Variants in TECPR2 observed in about 807,000 individuals in gnomAD.
TECPR2 encodes the protein tectonin beta-propeller repeat-containing protein 2.
TECPR2 carries 65 observed loss-of-function variants against 138.1 expected under a neutral mutation model. The observed-to-expected ratio is 0.47, with a 90% CI of 0.39 to 0.58. The LOEUF is 0.58. TECPR2 is among the 20% of genes least tolerant of loss of function. TECPR2 has a pLI of 0.00. For synonymous variants in TECPR2, 746 were observed against 749.8 expected, an observed-to-expected ratio of 0.99 and a Z score of 0.08; for missense variants, 1,553 against 1,824.5, an observed-to-expected ratio of 0.85 and a Z score of 2.71.
At chr14:102,432,182 T>A in intron 8 of TECPR2, 54 bp downstream of exon 8, 1 of 1,428,018 alleles carries the variant, frequency 7.0e-7, no homozygotes, top group South Asian at 1.5e-5. Context: ...TTCCAGATTC[T>A]CTGGGAGTGC....
intron 4 of TECPR2, among the ~76,000 whole-genome samples, chr14:102,409,422 C>T (rs1305730305): frequency 2.6e-5 from 4 of 151,936 alleles, no homozygotes; most frequent in Non-Finnish European, 1.5e-5. Flanking sequence ...ACCTCAGCCT[C>T]GCAAGTAGCT....
intron 2 of TECPR2, among the ~76,000 whole-genome samples, chr14:102,400,211 A>G (rs1483934850): frequency 4.6e-5 from 7 of 151,854 alleles, no homozygotes; most frequent in Non-Finnish European, 1.0e-4. Context: ...ACACCCAGCT[A>G]ATTTTTGTAT....
At chr14:102,487,615 C>T (rs921226280) in intron 17 of TECPR2, among the ~76,000 whole-genome samples, 1 of 152,188 alleles carries the variant, frequency 6.6e-6, no homozygotes, top group African/African-American at 2.4e-5. Context: ...AATCTGGGCT[C>T]ACTGCAAGCT....
At position 102,434,565 on chromosome 14, in the gene TECPR2, A is replaced by G. The variant is rs141596456; in HGVS notation, c.1748A>G (p.Asn583Ser). Reference protein sequence around the residue: ...CHHAHGRELLNGAREDVGGSD... With the variant: ...CHHAHGRELLSGAREDVGGSD... ...CATGCACATGGGCGGGAGCTGCTCA[A>G]TGGAGCGAGGGAAGATGTGGGAGGC... The change falls in exon 9 of 20, where the codon AAT becomes AGT. Residue 583 changes from asparagine to serine, a missense_variant. Coordinates refer to ENST00000359520, the MANE Select transcript of TECPR2 (RefSeq NM_014844.5). The G allele has an allele frequency of 9.6e-6, 15 of 1,556,862 alleles. No homozygotes were observed. Among genetic ancestry groups the G allele is most frequent in the East Asian group, 6.8e-5 (3 of 44,294 alleles).
intron 2 of TECPR2, among the ~76,000 whole-genome samples, chr14:102,395,492 G>A (rs1315367705): frequency 6.6e-6 from 1 of 152,202 alleles, no homozygotes; most frequent in East Asian, 1.9e-4. Flanking sequence ...GCTTATACAT[G>A]TGCTTTTTAA....
chr14:102,460,019 C>G (rs1890367217), intron 16 of TECPR2, among the ~76,000 whole-genome samples: 1 of 152,088 alleles, frequency 6.6e-6, no homozygotes, highest in Non-Finnish European at 1.5e-5. Flanking sequence ...GCTTGTAATC[C>G]TAGCACTTTG....
intron 2 of TECPR2, among the ~76,000 whole-genome samples, chr14:102,378,869 T>C (rs1887711035): frequency 6.6e-6 from 1 of 152,032 alleles, no homozygotes; most frequent in Non-Finnish European, 1.5e-5. Flanking sequence ...AGGTGATCCA[T>C]CTGCCTCAGC....
rs1382970388 is a variant in TECPR2 at position 102,498,413 on chromosome 14, G to A, written c.*156G>A. 2.4e-5 allele frequency: 24 copies of A among 1,017,474 alleles called. No individual in the cohort carries two copies. Among genetic ancestry groups the A allele is most frequent in the Non-Finnish European group, 3.2e-5 (23 of 717,848 alleles). The allele number at this position is 1,017,474 out of a possible 1,614,324, so 63.0% of individuals were successfully genotyped here. A position where few individuals can be genotyped will look rare whatever the true frequency, so the allele number is the denominator to read the frequency against. On this transcript the variant is annotated 3_prime_UTR_variant, in exon 20 of 20. Transcript: ENST00000359520. The stretch of plus-strand genomic sequence containing the variant: ...CTTACTTTCATCTATGTTGGTTTCT[G>A]TCTCGTTCCAGAACCCACAGCCTCC...
At chr14:102,491,186 G>C (rs550260989) in intron 17 of TECPR2, among the ~76,000 whole-genome samples, 1 of 152,118 alleles carries the variant, frequency 6.6e-6, no homozygotes, top group South Asian at 2.1e-4. Context: ...GAGCCACCGC[G>C]CTCAGCCCAC....
chr14:102,483,902 T>G (rs1890956915), intron 17 of TECPR2, among the ~76,000 whole-genome samples: 1 of 140,828 alleles, frequency 7.1e-6, no homozygotes, highest in Non-Finnish European at 1.5e-5. Context: ...GTTCAAGCGA[T>G]TCTCCTGCCT....
chr14:102,417,659 G>A (rs1384858736), intron 5 of TECPR2, among the ~76,000 whole-genome samples: 1 of 152,208 alleles, frequency 6.6e-6, no homozygotes, highest in African/African-American at 2.4e-5. Context: ...GAGCTTAGAT[G>A]TTCAAGAAGC....
chr14:102,459,646 TA>T (rs1890357484), intron 16 of TECPR2, among the ~76,000 whole-genome samples: 1 of 152,192 alleles, frequency 6.6e-6, no homozygotes, highest in Non-Finnish European at 1.5e-5. Context: ...GGCTTGCCTG[TA>T]GTCCCAGTTA....
chr14:102,409,171 G>T (rs1218448238), intron 4 of TECPR2, among the ~76,000 whole-genome samples: 1 of 152,206 alleles, frequency 6.6e-6, no homozygotes, highest in African/African-American at 2.4e-5. Context: ...TCCACTGCAC[G>T]TATGGCTTGA....
At chr14:102,431,377 G>C (rs1166852628) in intron 7 of TECPR2, among the ~76,000 whole-genome samples, 37 of 109,622 alleles carry the variant, frequency 3.4e-4, no homozygotes, top group Non-Finnish European at 5.7e-4. Flanking sequence ...GAGTCTCACT[G>C]TGTTGCCCAG....
intron 17 of TECPR2, among the ~76,000 whole-genome samples, chr14:102,483,858 G>A (rs1256431891): frequency 7.1e-6 from 1 of 140,282 alleles, no homozygotes; most frequent in Non-Finnish European, 1.5e-5. Context: ...GTGCAGTGGC[G>A]CAATCTGGGC....
chr14:102,501,243 C>A lies in TECPR2; in HGVS notation c.*2986C>A, dbSNP rs924859274. On this transcript the variant is annotated 3_prime_UTR_variant, in exon 20 of 20. Coordinates refer to ENST00000359520, the MANE Select transcript of TECPR2 (RefSeq NM_014844.5). Reference sequence around the variant, plus strand: ...TGTGGCCACTGCTTCATTCTCTGGGCAAAATAATATTAAATGGATTAAAGA... The same window carrying A: ...TGTGGCCACTGCTTCATTCTCTGGGAAAAATAATATTAAATGGATTAAAGA... 1 of 152,102 alleles carries A rather than the reference C, an allele frequency of 6.6e-6. No individual in the cohort carries two copies. Among genetic ancestry groups the A allele is most frequent in the Admixed American group, 6.5e-5 (1 of 15,280 alleles). 9.4% of individuals were successfully genotyped at this position (152,102 alleles called of 1,614,324 possible).
At chr14:102,437,204 T>C in intron 9 of TECPR2, 12 of 981,430 alleles carry the variant, frequency 1.2e-5, no homozygotes, top group Non-Finnish European at 1.5e-5. Context: ...TTTGCATTTA[T>C]TGAAAAGTAT....
intron 16 of TECPR2, among the ~76,000 whole-genome samples, chr14:102,457,308 C>T (rs1890298493): frequency 6.6e-6 from 1 of 151,992 alleles, no homozygotes; most frequent in Non-Finnish European, 1.5e-5. Flanking sequence ...TGGTCTCGAG[C>T]TCCTGACCTC....
At chr14:102,471,435 AG>A (rs1398375814) in intron 17 of TECPR2, among the ~76,000 whole-genome samples, 5 of 151,896 alleles carry the variant, frequency 3.3e-5, no homozygotes, top group African/African-American at 1.2e-4. Flanking sequence ...GGCTGGGCAC[AG>A]TGGCTCATGT....
Sources: allele counts gnomAD v4.1 joint callset (sites outside exome capture counted in the v4.1 genomes callset), GRCh38; gene constraint gnomAD v4.1.1; transcripts MANE v1.5; gene names NCBI Gene and HGNC (gene_info 2026-07-23, HGNC 2026-07-21).